The following SLC12A8 variants were observed in gnomAD, a reference collection of about 807,000 sequenced individuals.
SLC12A8 encodes cation-chloride cotransporter 9.
A neutral mutation model predicts 75.6 loss-of-function variants in SLC12A8; 69 were observed. The observed-to-expected ratio is 0.91, with a 90% CI of 0.75 to 1.11. SLC12A8 has a LOEUF of 1.11. SLC12A8 is among the 50% of genes most tolerant of loss of function. The probability of loss-of-function intolerance (pLI) is 0.00; values close to 1 mark genes in which losing one functional copy is unlikely to be tolerated. For missense variants in SLC12A8, 877 were observed against 896.7 expected (o/e 0.98, Z 0.28); for synonymous variants, 365 against 372.8 (o/e 0.98, Z 0.24).
At chr3:125,160,824 GACTC>G (rs1934150661) in intron 5 of SLC12A8, among the ~76,000 whole-genome samples, 1 of 144,508 alleles carries the variant, frequency 6.9e-6, no homozygotes, top group Non-Finnish European at 1.5e-5. Context: ...GGTCACATGG[GACTC>G]GGAGGGAGCT....
chr3:125,187,630 C>T (rs990222382), intron 3 of SLC12A8, among the ~76,000 whole-genome samples: 1 of 152,138 alleles, frequency 6.6e-6, no homozygotes, highest in Non-Finnish European at 1.5e-5. Flanking sequence ...TGAAAGGAAG[C>T]GTCCTGGCTG....
At position 125,211,277 on chromosome 3, in the gene SLC12A8, C is replaced by T. The variant is rs148392558; in HGVS notation, c.51+22G>A. On this transcript the variant is annotated intron_variant, in intron 2 of 13. Coordinates refer to ENST00000469902, the MANE Select transcript of SLC12A8 (RefSeq NM_024628.6). ...CGTGCTCACAGGCCTCCATCACAGA[C>T]CCTGGCACATCCTGAGCCTACCTGC... The T allele has an allele frequency of 3.6e-3, 5,742 of 1,610,566 alleles. 223 individuals are homozygous for T. The Admixed American group carries it at 0.075, about 21-fold the overall frequency.
chr3:125,137,172 A>G (rs1019365463), intron 5 of SLC12A8, among the ~76,000 whole-genome samples: 7 of 152,194 alleles, frequency 4.6e-5, no homozygotes, highest in South Asian at 2.1e-4. Context: ...GATGAGTCCA[A>G]TGAGGTCGCC....
chr3:125,093,082 A>G (rs1938626535), intron 10 of SLC12A8, among the ~76,000 whole-genome samples: 1 of 152,174 alleles, frequency 6.6e-6, no homozygotes, highest in African/African-American at 2.4e-5. Flanking sequence ...TGAAGACATG[A>G]GGCATTTGAC....
At chr3:125,119,692 C>T (rs116425836) in intron 7 of SLC12A8, among the ~76,000 whole-genome samples, 272 of 152,364 alleles carry the variant, frequency 1.8e-3, no homozygotes, top group Non-Finnish European at 3.0e-3. Context: ...TACCCTGATG[C>T]TGTACGCCAG....
At chr3:125,207,325 A>G (rs930953144) in intron 2 of SLC12A8, among the ~76,000 whole-genome samples, 1 of 152,176 alleles carries the variant, frequency 6.6e-6, no homozygotes, top group Non-Finnish European at 1.5e-5. Flanking sequence ...GCATGAATCC[A>G]GTGTACTAGT....
chr3:125,178,992 A>G (rs1354418116), intron 4 of SLC12A8, among the ~76,000 whole-genome samples: 2 of 152,216 alleles, frequency 1.3e-5, no homozygotes, highest in African/African-American at 4.8e-5. Flanking sequence ...ATCATTTCAA[A>G]TTAAATTGTT....
intron 5 of SLC12A8, among the ~76,000 whole-genome samples, chr3:125,159,295 T>G (rs1047716547): frequency 2.0e-5 from 3 of 152,060 alleles, no homozygotes; most frequent in African/African-American, 7.2e-5. Flanking sequence ...GGGGTCTCAC[T>G]ATGTTGCCCA....
chr3:125,084,173 C>G (rs1328642682), intron 13 of SLC12A8, 121 bp from the exon 14 acceptor site: 1 of 791,112 alleles, frequency 1.3e-6, no homozygotes, highest in East Asian at 2.7e-5. Flanking sequence ...ATGTTTAAAA[C>G]ATAATTCTTG....
In SLC12A8 at chr3:125,083,862, C is replaced by T. The variant is rs1317844281; in HGVS notation, c.*28G>A. 1 of 1,600,316 alleles carries T rather than the reference C, an allele frequency of 6.2e-7. No homozygotes were observed. Among genetic ancestry groups the T allele is most frequent in the Admixed American group, 1.7e-5 (1 of 58,492 alleles). ...TGGGTCCACTGTACATGGGACAGCTCCAAAAGAGGAAGGTCCCAGCACTGC... is the reference window on the plus strand; with the variant it reads ...TGGGTCCACTGTACATGGGACAGCTTCAAAAGAGGAAGGTCCCAGCACTGC... On this transcript the variant is annotated 3_prime_UTR_variant, in exon 14 of 14. Transcript: ENST00000469902.
At position 125,107,482 on chromosome 3, in the gene SLC12A8, T is replaced by G. The variant is rs1214066816; in HGVS notation, c.1704A>C (p.Glu568Asp). The change falls in exon 10 of 14, where the codon GAA becomes GAC. Residue 568 changes from glutamate to aspartate, a missense_variant and splice_region_variant. Coordinates refer to ENST00000469902, the MANE Select transcript of SLC12A8 (RefSeq NM_024628.6). Reference sequence around the variant, plus strand: ...CCAGTGTGATACCAGAGCACTCACCTTCTCCACTGGACTCTGATTGGTTGC... The same window carrying G: ...CCAGTGTGATACCAGAGCACTCACCGTCTCCACTGGACTCTGATTGGTTGC... The part of the protein sequence containing the change: ...ELCNQSESSG[E>D]DFFLKSRLQE... 1.2e-6 allele frequency: 2 copies of G among 1,602,856 alleles called. No individual in the cohort carries two copies. Among genetic ancestry groups the G allele is most frequent in the Non-Finnish European group, 1.7e-6 (2 of 1,171,120 alleles).
chr3:125,090,114 G>T (rs1938550075), intron 12 of SLC12A8, among the ~76,000 whole-genome samples: 1 of 151,160 alleles, frequency 6.6e-6, no homozygotes, highest in Non-Finnish European at 1.5e-5. Flanking sequence ...TTGTTATTTT[G>T]CCCAGGCTGG....
intron 2 of SLC12A8, among the ~76,000 whole-genome samples, chr3:125,199,495 A>T (rs1935078524): frequency 6.6e-6 from 1 of 151,946 alleles, no homozygotes; most frequent in Non-Finnish European, 1.5e-5. Context: ...TAATTCCAAC[A>T]CTTTAGGAAG....
chr3:125,191,062 G>C (rs1934900691), intron 2 of SLC12A8, among the ~76,000 whole-genome samples: 1 of 152,192 alleles, frequency 6.6e-6, no homozygotes, highest in Non-Finnish European at 1.5e-5. Flanking sequence ...AGCGCTCTTT[G>C]CTCCTTCAGC....
In SLC12A8 at chr3:125,107,910, C is replaced by A; in HGVS notation, c.1276G>T (p.Gly426Cys). The A allele has an allele frequency of 3.1e-6, 5 of 1,614,224 alleles. No individual in the cohort carries two copies. The highest frequency in any genetic ancestry group is 4.2e-6 in the Non-Finnish European group (5 of 1,180,046). The change falls in exon 10 of 14, where the codon GGC (glycine) becomes TGC (cysteine). Residue 426 changes from glycine (G) to cysteine (C), a missense_variant. Coordinates refer to ENST00000469902, the MANE Select transcript of SLC12A8 (RefSeq NM_024628.6). ...PEPVLREGAEGLHCSEHLLLE... is the reference protein window; with the variant it reads ...PEPVLREGAECLHCSEHLLLE... ...AGCAGGTGCTCAGAGCAGTGGAGGC[C>A]TTCTGCGCCCTCCCTGAGCACCGGC...
At chr3:125,161,243 T>C (rs941469634) in intron 5 of SLC12A8, among the ~76,000 whole-genome samples, 2 of 152,244 alleles carry the variant, frequency 1.3e-5, no homozygotes, top group African/African-American at 4.8e-5. Context: ...TTGAATGCAT[T>C]GGCCATTGAT....
chr3:125,110,542 C>T, intron 8 of SLC12A8: 1 of 427,196 alleles, frequency 2.3e-6, no homozygotes. Flanking sequence ...ATATGGATTG[C>T]ACAGTGGTCC....
At chr3:125,200,144 G>A (rs908234793) in intron 2 of SLC12A8, among the ~76,000 whole-genome samples, 5 of 152,100 alleles carry the variant, frequency 3.3e-5, no homozygotes, top group Non-Finnish European at 5.9e-5. Flanking sequence ...CATGCATGTA[G>A]TACTTCTATG....
In SLC12A8 at chr3:125,127,884, A is replaced by G. The variant is rs573218287; in HGVS notation, c.737-7198T>C. 3.3e-3 allele frequency among the ~76,000 whole-genome samples: 497 copies of G among 152,166 alleles called. 2 individuals are homozygous for G. Among genetic ancestry groups the G allele is most frequent in the African/African-American group, 0.011 (468 of 41,526 alleles). ...AATAGACATGTATAATAATTATAAA[A>G]CTTTTTTTTTTGAGACGGAATATCA... On this transcript the variant is annotated intron_variant, in intron 6 of 13. Transcript: ENST00000469902.
Sources: allele counts gnomAD v4.1 joint callset (sites outside exome capture counted in the v4.1 genomes callset), GRCh38; gene constraint gnomAD v4.1.1; transcripts MANE v1.5; gene names NCBI Gene and HGNC (gene_info 2026-07-23, HGNC 2026-07-21).